CDK6: variants seen among roughly 807,000 people sequenced by gnomAD.
CDK6 encodes cyclin dependent kinase 6.
In CDK6, 6 loss-of-function variants were observed where a neutral mutation model predicts 37.1. The observed-to-expected ratio is 0.16, with a 90% CI of 0.09 to 0.32. CDK6 has a LOEUF of 0.32. Ranked by LOEUF, CDK6 falls within the 10% of genes least tolerant of loss-of-function variation. The probability of loss-of-function intolerance (pLI) is 1.00; values close to 1 mark genes in which losing one functional copy is unlikely to be tolerated. For synonymous variants in CDK6, 160 were observed against 161.3 expected, an observed-to-expected ratio of 0.99 and a Z score of 0.06; for missense variants, 224 against 418.9, an observed-to-expected ratio of 0.53 and a Z score of 4.06.
chr7:92,665,293 A>ATCCC (rs1796932657), intron 5 of CDK6, among the ~76,000 whole-genome samples: 1 of 152,020 alleles, frequency 6.6e-6, no homozygotes, highest in African/African-American at 2.4e-5. Flanking sequence ...CCATCCATCC[A>ATCCC]TCCATCCATC....
chr7:92,638,362 A>C (rs1796223313), intron 5 of CDK6, among the ~76,000 whole-genome samples: 1 of 152,198 alleles, frequency 6.6e-6, no homozygotes. Context: ...CCCATGTCCC[A>C]CAATTGAACA....
chr7:92,749,213 A>G (rs950760875), intron 3 of CDK6, among the ~76,000 whole-genome samples: 7 of 151,760 alleles, frequency 4.6e-5, no homozygotes, highest in East Asian at 1.9e-4. Context: ...AAAAAAAAAA[A>G]AAAGAAATCC....
At chr7:92,701,821 C>T (rs1046319948) in intron 4 of CDK6, 2 of 152,370 alleles carry the variant, frequency 1.3e-5, no homozygotes, top group African/African-American at 4.8e-5. Flanking sequence ...GCACCTCACA[C>T]ACTTTTAAAA....
intron 5 of CDK6, among the ~76,000 whole-genome samples, chr7:92,653,052 AAGTCT>A (rs1796611891): frequency 6.6e-6 from 1 of 152,222 alleles, no homozygotes; most frequent in African/African-American, 2.4e-5. Flanking sequence ...AACAAGAGAG[AAGTCT>A]GAGGCCAGCT....
At position 92,607,228 on chromosome 7, in the gene CDK6, C is replaced by T. The variant is rs1057251379; in HGVS notation, c.*7912G>A. On this transcript the variant is annotated 3_prime_UTR_variant, in exon 8 of 8. Coordinates refer to ENST00000424848, the MANE Select transcript of CDK6 (RefSeq NM_001145306.2). Reference sequence around the variant, plus strand: ...CCACATGACACCTACGAGGGCACTACATCACGTGAGGGAAGCTTCTTCATG... The same window carrying T: ...CCACATGACACCTACGAGGGCACTATATCACGTGAGGGAAGCTTCTTCATG... 4.3e-6 allele frequency: 1 copy of T among 233,730 alleles called. No homozygotes were observed. The allele number at this position is 233,730 out of a possible 1,614,324, so 14.5% of individuals were successfully genotyped here.
rs180945892 is a variant in CDK6, at chr7:92,611,840, G to A, written c.*3300C>T. 7.2e-4 allele frequency: 167 copies of A among 231,908 alleles called. 1 individual carries two copies. Among genetic ancestry groups the A allele is most frequent in the Non-Finnish European group, 5.1e-5 (6 of 117,296 alleles). 14.4% of individuals were successfully genotyped at this position (231,908 alleles called of 1,614,324 possible). On this transcript the variant is annotated 3_prime_UTR_variant, in exon 8 of 8. Coordinates refer to ENST00000424848, the MANE Select transcript of CDK6 (RefSeq NM_001145306.2). ...AACTATTTTTAGTAAGTCACCTGGG[G>A]CTAAATGAAAAGTCTGCCATTCACA...
intron 5 of CDK6, among the ~76,000 whole-genome samples, chr7:92,631,964 T>C (rs1275427530): frequency 3.3e-5 from 5 of 152,180 alleles, no homozygotes; most frequent in African/African-American, 1.2e-4. Context: ...GTCTGTCTAA[T>C]AGAGACATTT....
chr7:92,735,965 A>G (rs2115605709), intron 3 of CDK6, among the ~76,000 whole-genome samples: 1 of 152,320 alleles, frequency 6.6e-6, no homozygotes, highest in African/African-American at 2.4e-5. Flanking sequence ...TGAGTCACTT[A>G]GACATGAGAT....
intron 4 of CDK6, among the ~76,000 whole-genome samples, chr7:92,702,384 C>A (rs1245364366): frequency 6.6e-6 from 1 of 151,558 alleles, no homozygotes; most frequent in Non-Finnish European, 1.5e-5. Flanking sequence ...AGGTGTGTAC[C>A]ACCATGCCCA....
intron 3 of CDK6, among the ~76,000 whole-genome samples, 179 bp from the exon 4 acceptor site, chr7:92,725,972 G>C (rs1189825001): frequency 6.6e-6 from 1 of 151,990 alleles, no homozygotes; most frequent in Non-Finnish European, 1.5e-5. Context: ...ACACTTTCAA[G>C]AACACTGCAA....
At chr7:92,821,472 A>G (rs1422309607) in intron 2 of CDK6, among the ~76,000 whole-genome samples, 1 of 152,132 alleles carries the variant, frequency 6.6e-6, no homozygotes, top group Non-Finnish European at 1.5e-5. Context: ...ACTACAAGCA[A>G]TATTAACCAG....
intron 3 of CDK6, among the ~76,000 whole-genome samples, chr7:92,758,493 T>A (rs1263768977): frequency 1.3e-5 from 2 of 152,172 alleles, no homozygotes; most frequent in Non-Finnish European, 2.9e-5. Flanking sequence ...TTGGTCTATG[T>A]GTCTGTTTTT....
chr7:92,607,470 C>A lies in CDK6; in HGVS notation c.*7670G>T, dbSNP rs1795454609. 1 of 232,490 alleles carries A rather than the reference C, an allele frequency of 4.3e-6. No individual in the cohort carries two copies. The highest frequency in any genetic ancestry group is 5.6e-5 in the Admixed American group (1 of 17,726). The allele number at this position is 232,490 out of a possible 1,614,324, so 14.4% of individuals were successfully genotyped here. ...ATTCCTTTACATAATGATAAAACACCTAGATACCCAAAATACTACATCTAT... is the reference window on the plus strand; with the variant it reads ...ATTCCTTTACATAATGATAAAACACATAGATACCCAAAATACTACATCTAT... On this transcript the variant is annotated 3_prime_UTR_variant, in exon 8 of 8. Coordinates refer to ENST00000424848, the MANE Select transcript of CDK6 (RefSeq NM_001145306.2).
chr7:92,753,716 T>A (rs981023509), intron 3 of CDK6, among the ~76,000 whole-genome samples: 4 of 152,172 alleles, frequency 2.6e-5, no homozygotes, highest in African/African-American at 9.7e-5. Flanking sequence ...CAACTAAAAC[T>A]GGTGCCTCAA....
chr7:92,823,475 A>C (rs71560833), intron 2 of CDK6, among the ~76,000 whole-genome samples: 5 of 131,930 alleles, frequency 3.8e-5, no homozygotes, highest in Non-Finnish European at 6.4e-5. Flanking sequence ...AAAAAAAGTC[A>C]TTTCAAAGAA....
intron 4 of CDK6, among the ~76,000 whole-genome samples, chr7:92,680,587 T>C (rs965065066): frequency 6.6e-6 from 1 of 151,546 alleles, no homozygotes. Context: ...AAGATGAGAG[T>C]CTCACAGCAG....
chr7:92,611,089 T>C lies in CDK6; in HGVS notation c.*4051A>G, dbSNP rs1256620121. The C allele has an allele frequency of 4.4e-6, 1 of 226,376 alleles. No individual in the cohort carries two copies. Among genetic ancestry groups the C allele is most frequent in the Non-Finnish European group, 8.8e-6 (1 of 113,996 alleles). The allele number at this position is 226,376 out of a possible 1,614,324, so 14.0% of individuals were successfully genotyped here. A position where few individuals can be genotyped will look rare whatever the true frequency, so the allele number is the denominator to read the frequency against. Reference sequence around the variant, plus strand: ...TTCATAAAGAATATATCCTTCAAAATATATATAGCTTTGAAACTACCCTTT... The same window carrying C: ...TTCATAAAGAATATATCCTTCAAAACATATATAGCTTTGAAACTACCCTTT... On this transcript the variant is annotated 3_prime_UTR_variant, in exon 8 of 8. Transcript: ENST00000424848.
At chr7:92,815,747 A>G (rs930980324) in intron 2 of CDK6, among the ~76,000 whole-genome samples, 3 of 152,180 alleles carry the variant, frequency 2.0e-5, no homozygotes, top group Admixed American at 6.5e-5. Context: ...ATACTGAAGA[A>G]GAGCTCCAGA....
chr7:92,658,753 C>T (rs890528385), intron 5 of CDK6, among the ~76,000 whole-genome samples: 2 of 152,076 alleles, frequency 1.3e-5, no homozygotes, highest in African/African-American at 2.4e-5. Context: ...TTTACTTTTT[C>T]GTTTAAATTT....
Sources: gnomAD v4.1 joint callset for allele counts (sites outside exome capture counted in the v4.1 genomes callset) on GRCh38, gnomAD v4.1.1 for gene constraint, MANE v1.5 for transcripts, NCBI Gene and HGNC (gene_info 2026-07-23, HGNC 2026-07-21) for gene names.